Variants in LIN7A observed in about 807,000 individuals in gnomAD.
The protein encoded by LIN7A is protein lin-7 homolog A.
Under a neutral mutation model 29.8 loss-of-function variants are expected in LIN7A, and 25 were observed. That is an observed-to-expected ratio of 0.84 (90% CI 0.61 to 1.17). The LOEUF is 1.17. Ranked by LOEUF, LIN7A falls within the 50% of genes most tolerant of loss-of-function variation. The pLI, the probability that LIN7A is intolerant of heterozygous loss-of-function variation, is 0.00. For missense variants in LIN7A, 239 were observed against 287.0 expected, an observed-to-expected ratio of 0.83 and a Z score of 1.21; for synonymous variants, 118 against 107.5, an observed-to-expected ratio of 1.10 and a Z score of -0.60.
intron 2 of LIN7A, among the ~76,000 whole-genome samples, chr12:80,886,425 G>T (rs144496066): frequency 1.6e-4 from 24 of 151,948 alleles, no homozygotes; most frequent in Admixed American, 4.6e-4. Flanking sequence ...ATTCAGAATT[G>T]TTGTTTATAT....
intron 4 of LIN7A, among the ~76,000 whole-genome samples, chr12:80,842,775 T>C (rs1872883399): frequency 6.6e-6 from 1 of 152,148 alleles, no homozygotes; most frequent in Non-Finnish European, 1.5e-5. Flanking sequence ...GGTCATGAAG[T>C]CTCTTATTTA....
chr12:80,812,905 C>T (rs1871358510), intron 4 of LIN7A, among the ~76,000 whole-genome samples: 1 of 152,096 alleles, frequency 6.6e-6, no homozygotes, highest in Non-Finnish European at 1.5e-5. Context: ...GAGCAGTTGA[C>T]ATGCATGGAC....
chr12:80,816,755 G>T (rs1404810971), intron 4 of LIN7A, among the ~76,000 whole-genome samples: 1 of 152,128 alleles, frequency 6.6e-6, no homozygotes, highest in Non-Finnish European at 1.5e-5. Context: ...GCTGGTAAAT[G>T]AACCAAGGTT....
intron 4 of LIN7A, among the ~76,000 whole-genome samples, chr12:80,827,585 G>T (rs144409182): frequency 1.5e-4 from 23 of 152,194 alleles, no homozygotes; most frequent in African/African-American, 5.5e-4. Context: ...CCCATGTACA[G>T]GCAGGTCCAA....
intron 2 of LIN7A, among the ~76,000 whole-genome samples, chr12:80,852,165 T>C (rs1407093657): frequency 6.6e-6 from 1 of 152,178 alleles, no homozygotes; most frequent in Non-Finnish European, 1.5e-5. Flanking sequence ...TTCCATTTTA[T>C]TTTTCTTTAT....
At chr12:80,811,391 A>G (rs1402326475) in intron 5 of LIN7A, 74 bp downstream of exon 5, 7 of 533,528 alleles carry the variant, frequency 1.3e-5, no homozygotes, top group Non-Finnish European at 2.4e-5. Flanking sequence ...TATTTTAAGT[A>G]TATTCATATA....
At chr12:80,932,943 A>G (rs918931245) in intron 1 of LIN7A, among the ~76,000 whole-genome samples, 1 of 152,224 alleles carries the variant, frequency 6.6e-6, no homozygotes, top group African/African-American at 2.4e-5. Context: ...TGTAGAGAAG[A>G]GTTGCTATGA....
At chr12:80,914,121 T>C (rs1876910406) in intron 1 of LIN7A, among the ~76,000 whole-genome samples, 2 of 152,172 alleles carry the variant, frequency 1.3e-5, no homozygotes, top group Admixed American at 6.5e-5. Context: ...GATCTCTTTC[T>C]TCCTTTCATT....
intron 2 of LIN7A, among the ~76,000 whole-genome samples, chr12:80,881,982 C>T (rs1875068265): frequency 6.6e-6 from 1 of 152,118 alleles, no homozygotes; most frequent in Non-Finnish European, 1.5e-5. Context: ...CTGAATATCA[C>T]CAAGTTCTTA....
Position 80,808,293 on chromosome 12 carries a change from C to A in LIN7A, c.*3172G>T, listed in dbSNP as rs183887758. Among the ~76,000 whole-genome samples the A allele has an allele frequency of 8.8e-3, 1,338 of 152,214 alleles. 6 individuals are homozygous for A. Among genetic ancestry groups the A allele is most frequent in the Non-Finnish European group, 0.014 (942 of 68,018 alleles). ...GCTACCAAGCAGTTCTCTATTTAAA[C>A]CCCCTATTTTTACTCTGCAAAGTAC... On this transcript the variant is annotated intron_variant, in intron 5 of 5. Transcript: ENST00000552864.
chr12:80,867,092 C>T (rs1395852500), intron 2 of LIN7A, among the ~76,000 whole-genome samples: 1 of 152,110 alleles, frequency 6.6e-6, no homozygotes, highest in Non-Finnish European at 1.5e-5. Context: ...GCTGGGGTTA[C>T]AGGTATGTAC....
At chr12:80,933,110 G>A (rs887192304) in intron 1 of LIN7A, among the ~76,000 whole-genome samples, 3 of 152,086 alleles carry the variant, frequency 2.0e-5, no homozygotes, top group African/African-American at 7.2e-5. Context: ...TGACCACTTG[G>A]ATTCAACATG....
chr12:80,919,091 C>T (rs561243890), intron 1 of LIN7A, among the ~76,000 whole-genome samples: 1 of 152,172 alleles, frequency 6.6e-6, no homozygotes, highest in African/African-American at 2.4e-5. Flanking sequence ...AATAAAATCA[C>T]CTAATGCTTC....
intron 2 of LIN7A, among the ~76,000 whole-genome samples, chr12:80,851,061 C>T (rs1462142548): frequency 1.3e-5 from 2 of 152,146 alleles, no homozygotes; most frequent in South Asian, 2.1e-4. Context: ...AAAATCTTTC[C>T]TCTTTCAACC....
intron 1 of LIN7A, chr12:80,936,936 G>A (rs989462745): frequency 4.6e-5 from 7 of 152,158 alleles, no homozygotes; most frequent in Admixed American, 3.3e-4. Flanking sequence ...AGTTGCTATC[G>A]ACCGGGAGCT....
chr12:80,821,470 T>A lies in LIN7A; in HGVS notation c.484-9787A>T, dbSNP rs552557429. ...CTGAGCCTTCAGTAAATCATAATCT[T>A]TTTGCGGATGGAGGGTTTTGTCTTT... On this transcript the variant is annotated intron_variant, in intron 4 of 5. Coordinates refer to ENST00000552864, the MANE Select transcript of LIN7A (RefSeq NM_004664.4). Among the ~76,000 whole-genome samples, 7 of 152,244 alleles carry A rather than the reference T, an allele frequency of 4.6e-5. No homozygotes were observed. The South Asian group carries it at 1.5e-3, about 32-fold the overall frequency.
intron 4 of LIN7A, among the ~76,000 whole-genome samples, chr12:80,812,718 AT>A (rs1871350022): frequency 6.6e-6 from 1 of 151,636 alleles, no homozygotes; most frequent in Non-Finnish European, 1.5e-5. Flanking sequence ...CGCCCGGCTA[AT>A]TTTATATTTT....
intron 3 of LIN7A, among the ~76,000 whole-genome samples, chr12:80,846,423 G>T (rs1170724363): frequency 6.6e-6 from 1 of 152,094 alleles, no homozygotes; most frequent in South Asian, 2.1e-4. Flanking sequence ...AAGAGCACTT[G>T]TATGTATACA....
chr12:80,807,080 T>TGTTTTTTGTTTTTTG (rs1255532357), intron 5 of LIN7A, among the ~76,000 whole-genome samples: 1 of 134,686 alleles, frequency 7.4e-6, no homozygotes, highest in African/African-American at 2.8e-5. Context: ...TTTTTTTTTT[T>TGTTTTTTGTTTTTTG]TTTTTTTTTT....
Sources: allele counts gnomAD v4.1 joint callset (sites outside exome capture counted in the v4.1 genomes callset), GRCh38; gene constraint gnomAD v4.1.1; transcripts MANE v1.5; gene names NCBI Gene and HGNC (gene_info 2026-07-23, HGNC 2026-07-21).